Variants in EML2 observed in about 807,000 individuals in gnomAD.
The protein encoded by EML2 is EMAP like 2.
Under a neutral mutation model 84.7 loss-of-function variants are expected in EML2, and 59 were observed. The observed-to-expected ratio is 0.70, with a 90% CI of 0.56 to 0.86. EML2 has a LOEUF of 0.86. EML2 is among the 40% of genes least tolerant of loss of function. The pLI is 0.00. For missense variants in EML2, 818 were observed against 855.6 expected, an observed-to-expected ratio of 0.96 and a Z score of 0.55; for synonymous variants, 352 against 348.9, an observed-to-expected ratio of 1.01 and a Z score of -0.10.
intron 18 of EML2, 99 bp from the exon 19 acceptor site, chr19:45,609,887 C>CTTTTT: frequency 1.8e-6 from 2 of 1,085,826 alleles, no homozygotes; most frequent in Non-Finnish European, 1.2e-6. Flanking sequence ...TGCTCTTCCT[C>CTTTTT]TTTTTTTTTT....
intron 3 of EML2, among the ~76,000 whole-genome samples, chr19:45,638,274 G>C (rs971448972): frequency 6.6e-6 from 1 of 152,298 alleles, no homozygotes; most frequent in East Asian, 1.9e-4. Context: ...TCCAGAGCCC[G>C]GGCTTCCAGC....
At chr19:45,644,722 C>G (rs1420509545), upstream of EML2, 2 of 455,966 alleles carry the variant, frequency 4.4e-6, no homozygotes, top group African/African-American at 4.0e-5. Flanking sequence ...AGCCCGACAC[C>G]CACAGTGGTC....
chr19:45,642,471 C>T, upstream of EML2: 1 of 1,443,638 alleles, frequency 6.9e-7, no homozygotes, highest in Non-Finnish European at 9.1e-7. Flanking sequence ...TGTCCCGCTA[C>T]CTGGGGCTGG....
intron 7 of EML2, among the ~76,000 whole-genome samples, chr19:45,627,337 C>A (rs895221323): frequency 6.6e-6 from 1 of 151,128 alleles, no homozygotes. Flanking sequence ...CTCCTACAAC[C>A]TCTGCCTCCC....
chr19:45,634,283 G>A, intron 4 of EML2, 39 bp downstream of exon 4: 1 of 1,611,328 alleles, frequency 6.2e-7, no homozygotes. Flanking sequence ...TCCATCTCCA[G>A]CCACAGCTCC....
rs540830676 is a variant in EML2 at position 45,616,162 on chromosome 19, C to T, written c.1510-273G>A. 79 of 523,668 alleles carry T rather than the reference C, an allele frequency of 1.5e-4. No homozygotes were observed. The African/African-American group carries it at 1.5e-3, about 10-fold the overall frequency. 32.4% of individuals were successfully genotyped at this position (523,668 alleles called of 1,614,324 possible). ...GCAGGGCTAGACACGGAGGAGCTGG[C>T]TTTGAATGTTGAGGGGCGGGGCTAC... On this transcript the variant is annotated intron_variant, in intron 15 of 18. Coordinates refer to ENST00000245925, the MANE Select transcript of EML2 (RefSeq NM_012155.4).
Position 45,625,748 on chromosome 19 carries a change from T to C in EML2, c.742-930A>G, listed in dbSNP as rs557167041. Among the ~76,000 whole-genome samples the C allele has an allele frequency of 9.2e-5, 14 of 152,356 alleles. No homozygotes were observed. In the East Asian group the frequency reaches 2.5e-3, roughly 27 times the overall value. ...CTCTCACCAAAGGCAATGAGCCCTATGGGAGGAAGCCCTGTGTCTTCCCAC... is the reference window on the plus strand; with the variant it reads ...CTCTCACCAAAGGCAATGAGCCCTACGGGAGGAAGCCCTGTGTCTTCCCAC... On this transcript the variant is annotated intron_variant, in intron 8 of 18. Transcript: ENST00000245925.
rs764307594 is a variant in EML2 at position 45,614,649 on chromosome 19, A to G, written c.1649T>C (p.Met550Thr). Residue 550 changes from methionine to threonine, a missense_variant, in exon 17 of 19, where the codon ATG (methionine) becomes ACG (threonine). Transcript: ENST00000245925. ...GACACAAGTAGCTGTGGCCCATTCC[A>G]TGTTCCTCACAGCATCCGCACTGGT... ...QITSADAVRN[M>T]EWATATCVLG... 1.5e-5 allele frequency: 24 copies of G among 1,613,990 alleles called. No individual in the cohort carries two copies. In the South Asian group the frequency reaches 2.5e-4, roughly 17 times the overall value.
upstream of EML2, chr19:45,642,202 C>T (rs550830398): frequency 6.5e-7 from 1 of 1,534,760 alleles, no homozygotes; most frequent in African/African-American, 1.4e-5. Flanking sequence ...TAGCGCCGCT[C>T]CCTGTTCTTC....
In EML2 at chr19:45,624,748, G is replaced by T; in HGVS notation, c.812C>A (p.Ser271Tyr). The T allele has an allele frequency of 6.2e-7, 1 of 1,613,914 alleles. No individual in the cohort carries two copies. Among genetic ancestry groups the T allele is most frequent in the Non-Finnish European group, 8.5e-7 (1 of 1,179,942 alleles). The change falls in exon 9 of 19, where the codon TCT (serine) becomes TAT (tyrosine). Residue 271 changes from serine (S) to tyrosine (Y), a missense_variant. Physicochemically the swap from Ser to Tyr is moderately radical, Grantham distance 144. Transcript: ENST00000245925. ...GCCCCAAACATAGAGGTTCCCCCCA[G>T]AGTCCCCCGTGACCACGTCGCCACC... ...LEGGDVVTGD[S>Y]GGNLYVWGKG...
upstream of EML2, chr19:45,641,640 C>T (rs913635880): frequency 2.6e-6 from 4 of 1,536,092 alleles, no homozygotes; most frequent in Non-Finnish European, 3.5e-6. Context: ...CCAGTCCTTA[C>T]CCTTCCTTTT....
chr19:45,609,887 CTTT>C (rs368671855), intron 18 of EML2, 99 bp from the exon 19 acceptor site: 868 of 1,082,546 alleles, frequency 8.0e-4, no homozygotes, highest in East Asian at 1.2e-3. Context: ...TGCTCTTCCT[CTTT>C]TTTTTTTTTT....
chr19:45,632,687 G>A (rs1973197531), intron 6 of EML2, 174 bp downstream of exon 6: 8 of 597,692 alleles, frequency 1.3e-5, no homozygotes, highest in Admixed American at 6.0e-5. Flanking sequence ...GGGCGGGCAC[G>A]GTGACTCACC....
At chr19:45,642,135 C>T, upstream of EML2, 2 of 1,500,678 alleles carry the variant, frequency 1.3e-6, no homozygotes, top group South Asian at 2.5e-5. Context: ...CGGGGATACC[C>T]GAGGCAGTGG....
intron 2 of EML2, 58 bp from the exon 3 acceptor site, chr19:45,638,692 C>G: frequency 6.3e-7 from 1 of 1,593,098 alleles, no homozygotes; most frequent in African/African-American, 1.4e-5. Context: ...TATTCCCTCT[C>G]CTCTTCCAGC....
chr19:45,612,425 C>T (rs1216568428), intron 18 of EML2, among the ~76,000 whole-genome samples: 2 of 152,150 alleles, frequency 1.3e-5, no homozygotes, highest in Non-Finnish European at 2.9e-5. Flanking sequence ...CCTTGTAATC[C>T]CAGCACTTTG....
rs1343605104 is a variant in EML2 at position 45,634,450 on chromosome 19, G to A, written c.201C>T (p.Asp67=). 1 of 1,612,594 alleles carries A rather than the reference G, an allele frequency of 6.2e-7. No individual in the cohort carries two copies. Among genetic ancestry groups the A allele is most frequent in the Admixed American group, 1.7e-5 (1 of 59,842 alleles). The change falls in exon 4 of 19, where the codon GAC becomes GAT. Residue 67 remains aspartate, a synonymous_variant. Coordinates refer to ENST00000245925, the MANE Select transcript of EML2 (RefSeq NM_012155.4). ...LEWVYGYRGR[D]CRANLYLLPT... ...GCAGCAAATAAAGGTTGGCCCGGCA[G>A]TCTCGGCCACGGTAGCCATAGCTGG...
Position 45,621,287 on chromosome 19 carries a change from C to T in EML2, c.1042G>A (p.Gly348Arg), listed in dbSNP as rs746967055. ...GTGGTCCCCACGTACAGTGTGTCTC[C>T]GTGGCCCTCTGCCACGGTGCGCACA... ...GPVRTVAEGH[G>R]DTLYVGTTRN... The change falls in exon 11 of 19, where the codon GGA becomes AGA. Residue 348 changes from glycine to arginine, a missense_variant. Coordinates refer to ENST00000245925, the MANE Select transcript of EML2 (RefSeq NM_012155.4). 17 of 1,612,962 alleles carry T rather than the reference C, an allele frequency of 1.1e-5. No homozygotes were observed. The Admixed American group carries it at 1.2e-4, about 11-fold the overall frequency.
upstream of EML2, chr19:45,643,652 C>T: frequency 1.3e-6 from 2 of 1,536,104 alleles, no homozygotes; most frequent in Non-Finnish European, 1.7e-6. Flanking sequence ...GTAGCTTAGA[C>T]GGGGACAGGG....
Sources: gnomAD v4.1 joint callset for allele counts (sites outside exome capture counted in the v4.1 genomes callset) on GRCh38, gnomAD v4.1.1 for gene constraint, MANE v1.5 for transcripts, NCBI Gene and HGNC (gene_info 2026-07-23, HGNC 2026-07-21) for gene names.